Variants in RORB observed in about 807,000 individuals in gnomAD.
RORB encodes RAR related orphan receptor B.
In RORB, 6 loss-of-function variants were observed where a neutral mutation model predicts 59.1. The observed-to-expected ratio is 0.10, with a 90% confidence interval of 0.06 to 0.20. The LOEUF is 0.20. Among genes scored for constraint, RORB ranks in the 10% least tolerant of loss-of-function variants. The pLI, the probability that RORB is intolerant of heterozygous loss-of-function variation, is 1.00. For synonymous variants in RORB, 215 were observed against 204.5 expected (o/e 1.05, Z -0.44); for missense variants, 320 against 560.5 (o/e 0.57, Z 4.33).
chr9:74,535,245 A>G (rs1256762118), intron 1 of RORB, among the ~76,000 whole-genome samples: 2 of 152,052 alleles, frequency 1.3e-5, no homozygotes, highest in Admixed American at 1.3e-4. Flanking sequence ...AAATACACAG[A>G]AAAAGGAGAT....
intron 8 of RORB, 133 bp downstream of exon 8, chr9:74,668,034 T>A: frequency 1.6e-6 from 1 of 619,998 alleles, no homozygotes; most frequent in Non-Finnish European, 2.9e-6. Flanking sequence ...AAGTTTTTGA[T>A]ATTTTTGGAC....
chr9:74,602,840 G>A (rs1299175562), intron 1 of RORB, among the ~76,000 whole-genome samples: 1 of 152,060 alleles, frequency 6.6e-6, no homozygotes, highest in African/African-American at 2.4e-5. Flanking sequence ...TAAATATAAA[G>A]TATTATTATT....
chr9:74,517,182 T>A (rs1264742384), intron 1 of RORB, among the ~76,000 whole-genome samples: 1 of 151,710 alleles, frequency 6.6e-6, no homozygotes, highest in Non-Finnish European at 1.5e-5. Context: ...GCAAAATGCA[T>A]GTGTCATCTT....
rs1037485444 is a variant in RORB, at chr9:74,672,047, A to G, written c.1224+146A>G. The G allele has an allele frequency of 1.8e-5, 10 of 547,126 alleles. No individual in the cohort carries two copies. The African/African-American group carries it at 1.9e-4, about 11-fold the overall frequency. 33.9% of individuals were successfully genotyped at this position (547,126 alleles called of 1,614,324 possible). A position where few individuals can be genotyped will look rare whatever the true frequency, so the allele number is the denominator to read the frequency against. On this transcript the variant is annotated intron_variant, in intron 9 of 9. Coordinates refer to ENST00000376896, the MANE Select transcript of RORB (RefSeq NM_006914.4). The stretch of plus-strand genomic sequence containing the variant: ...CATAAATTGTGAGGTATGCAATTTA[A>G]AAGAGAGGCTAGTGAATTGTAATAG...
intron 4 of RORB, among the ~76,000 whole-genome samples, chr9:74,643,131 C>T (rs893007839): frequency 1.3e-5 from 2 of 152,076 alleles, no homozygotes; most frequent in African/African-American, 2.4e-5. Context: ...AGGGAAATTT[C>T]GGCATGTATT....
At chr9:74,596,220 G>T (rs765346965) in intron 1 of RORB, among the ~76,000 whole-genome samples, 19 of 152,068 alleles carry the variant, frequency 1.2e-4, no homozygotes, top group Non-Finnish European at 4.4e-5. Flanking sequence ...CATGGTAATT[G>T]CCCCCAAGAA....
intron 1 of RORB, among the ~76,000 whole-genome samples, chr9:74,540,148 T>A (rs967704824): frequency 1.3e-5 from 2 of 152,088 alleles, no homozygotes; most frequent in African/African-American, 4.8e-5. Flanking sequence ...GTATACTTTT[T>A]TAAAAAATAT....
At chr9:74,499,613 G>C (rs1299792147) in intron 1 of RORB, among the ~76,000 whole-genome samples, 4 of 152,142 alleles carry the variant, frequency 2.6e-5, no homozygotes, top group African/African-American at 9.7e-5. Context: ...GTTGGGGGTT[G>C]GTTACACGCT....
intron 1 of RORB, among the ~76,000 whole-genome samples, chr9:74,612,811 C>T (rs543562352): frequency 1.3e-3 from 202 of 152,272 alleles, no homozygotes; most frequent in Non-Finnish European, 2.3e-3. Context: ...AACTATAACA[C>T]ATCAGATATT....
chr9:74,518,726 G>A (rs1826045594), intron 1 of RORB, among the ~76,000 whole-genome samples: 1 of 151,868 alleles, frequency 6.6e-6, no homozygotes, highest in African/African-American at 2.4e-5. Context: ...GTTTTTGAGG[G>A]AACAGGAGCT....
intron 1 of RORB, among the ~76,000 whole-genome samples, chr9:74,595,222 G>A (rs1822953388): frequency 6.6e-6 from 1 of 152,084 alleles, no homozygotes; most frequent in Non-Finnish European, 1.5e-5. Flanking sequence ...TCCTGTCAAT[G>A]GTTAGTACAC....
chr9:74,596,792 A>G (rs1822976221), intron 1 of RORB, among the ~76,000 whole-genome samples: 1 of 152,240 alleles, frequency 6.6e-6, no homozygotes, highest in African/African-American at 2.4e-5. Flanking sequence ...CTCTAAATTT[A>G]TATTTAAGCT....
intron 1 of RORB, among the ~76,000 whole-genome samples, chr9:74,567,396 CAG>C (rs1822485490): frequency 1.3e-5 from 2 of 152,122 alleles, no homozygotes; most frequent in East Asian, 1.9e-4. Flanking sequence ...AGGAAGGAAA[CAG>C]AGATTGACAC....
At chr9:74,633,542 C>T (rs1823653144) in intron 2 of RORB, among the ~76,000 whole-genome samples, 2 of 152,064 alleles carry the variant, frequency 1.3e-5, no homozygotes, top group Non-Finnish European at 2.9e-5. Flanking sequence ...CTTTTTTGCT[C>T]TAGACAATTC....
At chr9:74,662,332 C>T in intron 5 of RORB, 142 bp from the exon 6 acceptor site, 2 of 760,294 alleles carry the variant, frequency 2.6e-6, no homozygotes, top group Admixed American at 2.6e-5. Flanking sequence ...AAAAGTAGTG[C>T]CCTCCTTTTT....
chr9:74,546,433 CA>C (rs200972556), intron 1 of RORB, among the ~76,000 whole-genome samples: 30 of 139,470 alleles, frequency 2.2e-4, no homozygotes, highest in South Asian at 1.4e-3. Flanking sequence ...AAGAATGCAG[CA>C]AAAAAAAAAG....
chr9:74,612,505 G>T (rs1823245249), intron 1 of RORB, among the ~76,000 whole-genome samples: 2 of 152,092 alleles, frequency 1.3e-5, no homozygotes, highest in South Asian at 4.2e-4. Flanking sequence ...CTGAACACAC[G>T]CTAGATCCAC....
chr9:74,497,903 G>T lies in RORB; in HGVS notation c.-74G>T. The T allele has an allele frequency of 1.3e-6, 2 of 1,579,180 alleles. No homozygotes were observed. The highest frequency in any genetic ancestry group is 1.1e-5 in the South Asian group (1 of 87,500). ...ACCACCTTCTTCACTCGTGCTGAGC[G>T]GGATTTTTGGGCTCTCCGGGGTTCG... On this transcript the variant is annotated 5_prime_UTR_variant, in exon 1 of 10. Coordinates refer to ENST00000376896, the MANE Select transcript of RORB (RefSeq NM_006914.4).
At chr9:74,640,564 C>T (rs546887820) in intron 3 of RORB, among the ~76,000 whole-genome samples, 6 of 152,100 alleles carry the variant, frequency 3.9e-5, no homozygotes, top group African/African-American at 7.2e-5. Flanking sequence ...ATTACAGGTG[C>T]AAGCCACCGC....
Sources: gnomAD v4.1 joint callset for allele counts (sites outside exome capture counted in the v4.1 genomes callset) on GRCh38, gnomAD v4.1.1 for gene constraint, MANE v1.5 for transcripts, NCBI Gene and HGNC (gene_info 2026-07-23, HGNC 2026-07-21) for gene names.